Variants in FUT8 observed in about 807,000 individuals in gnomAD.
FUT8 encodes the protein alpha-(1,6)-fucosyltransferase.
In FUT8, 29 loss-of-function variants were observed where a neutral mutation model predicts 71.3. That is an observed-to-expected ratio of 0.41 (90% confidence interval 0.30 to 0.55). The LOEUF (loss-of-function observed/expected upper bound fraction) is 0.55, where lower values mean the gene tolerates loss of function less well. FUT8 is among the 20% of genes least tolerant of loss of function. FUT8 has a pLI of 0.34. For synonymous variants in FUT8, 254 were observed against 239.3 expected (o/e 1.06, Z -0.57); for missense variants, 544 against 702.1 (o/e 0.77, Z 2.55).
intron 7 of FUT8, among the ~76,000 whole-genome samples, chr14:65,720,968 C>T (rs1424123497): frequency 1.3e-5 from 2 of 152,104 alleles, no homozygotes; most frequent in Non-Finnish European, 2.9e-5. Context: ...ACTGTGCTCC[C>T]CCTCCCCCAA....
chr14:65,636,254 T>C (rs566685731), intron 6 of FUT8, among the ~76,000 whole-genome samples: 6 of 152,322 alleles, frequency 3.9e-5, no homozygotes, highest in African/African-American at 9.6e-5. Context: ...ATCTTGCCAA[T>C]GATCTATCAA....
intron 10 of FUT8, among the ~76,000 whole-genome samples, chr14:65,734,755 G>A (rs1896136991): frequency 6.6e-6 from 1 of 152,180 alleles, no homozygotes; most frequent in Non-Finnish European, 1.5e-5. Context: ...GTTACAATGA[G>A]TGAATCAAGA....
At chr14:65,486,767 C>T (rs531672805) in intron 2 of FUT8, among the ~76,000 whole-genome samples, 24 of 152,262 alleles carry the variant, frequency 1.6e-4, no homozygotes, top group African/African-American at 5.8e-4. Context: ...TGAGGATAAG[C>T]ATATTTATCC....
rs561431947 is a variant in FUT8 at position 65,598,228 on chromosome 14, T to A, written c.204-17750T>A. On this transcript the variant is annotated intron_variant, in intron 3 of 10. Transcript: ENST00000673929. ...TTTGGCTGTATTTACTAAAAAAAAA[T>A]TTTTTTTTTCCGAGACGGGAGTCTT... Among the ~76,000 whole-genome samples, 29 of 149,000 alleles carry A rather than the reference T, an allele frequency of 1.9e-4. No individual in the cohort carries two copies. The East Asian group carries it at 2.3e-3, about 12-fold the overall frequency.
intron 1 of FUT8, among the ~76,000 whole-genome samples, chr14:65,441,798 A>AT (rs374962601): frequency 1.0e-3 from 134 of 134,382 alleles, no homozygotes; most frequent in Middle Eastern, 3.9e-3. Context: ...ATTTACTCAG[A>AT]TTTTTTTTTT....
intron 2 of FUT8, among the ~76,000 whole-genome samples, chr14:65,554,904 G>A (rs1248265413): frequency 2.0e-5 from 3 of 152,148 alleles, no homozygotes; most frequent in Admixed American, 6.6e-5. Context: ...TTTCTTTGAA[G>A]ATTGTTGAGT....
At chr14:65,644,864 A>T (rs1242516378) in intron 6 of FUT8, among the ~76,000 whole-genome samples, 1 of 152,192 alleles carries the variant, frequency 6.6e-6, no homozygotes, top group African/African-American at 2.4e-5. Context: ...AACAAAGCTT[A>T]TCTGACATAC....
chr14:65,653,847 A>G (rs1891531405), intron 6 of FUT8, among the ~76,000 whole-genome samples: 1 of 152,208 alleles, frequency 6.6e-6, no homozygotes, highest in Non-Finnish European at 1.5e-5. Context: ...CTTGTGCTGA[A>G]AGGAAAGAAT....
intron 2 of FUT8, among the ~76,000 whole-genome samples, chr14:65,552,359 A>G (rs1266637997): frequency 6.6e-6 from 1 of 152,198 alleles, no homozygotes; most frequent in Non-Finnish European, 1.5e-5. Context: ...TGCCTGGGAT[A>G]TGTAATGTAT....
intron 6 of FUT8, among the ~76,000 whole-genome samples, chr14:65,654,506 G>A (rs1891566771): frequency 6.6e-6 from 1 of 151,870 alleles, no homozygotes; most frequent in African/African-American, 2.4e-5. Flanking sequence ...GAGAAGTGTT[G>A]CTTGAACCTG....
At chr14:65,427,642 G>C (rs1190718348) in intron 1 of FUT8, among the ~76,000 whole-genome samples, 2 of 152,104 alleles carry the variant, frequency 1.3e-5, no homozygotes, top group Non-Finnish European at 2.9e-5. Context: ...TTGCTATTGA[G>C]TTGAGTTCCT....
In FUT8 at chr14:65,609,785, T is replaced by C. The variant is rs952461473; in HGVS notation, c.204-6193T>C. On this transcript the variant is annotated intron_variant, in intron 3 of 10. Coordinates refer to ENST00000673929, the MANE Select transcript of FUT8 (RefSeq NM_001371533.1). ...TACAATAGGTCTTAATATCAGATGG[T>C]GTTTGCCTTTTAGTTTTATCTTTTT... is the stretch of plus-strand genomic sequence containing the variant. Among the ~76,000 whole-genome samples the C allele has an allele frequency of 3.6e-4, 54 of 152,044 alleles. 1 individual carries two copies. The highest frequency in any genetic ancestry group is 5.6e-4 in the Non-Finnish European group (38 of 67,918).
the FUT8 span, among the ~76,000 whole-genome samples, chr14:65,400,202 C>A: frequency 6.6e-6 from 1 of 152,150 alleles, no homozygotes; most frequent in Non-Finnish European, 1.5e-5. Flanking sequence ...TCCAGTCAAC[C>A]ATAAACTATA....
At chr14:65,504,872 G>A (rs1039216081) in intron 2 of FUT8, among the ~76,000 whole-genome samples, 2 of 152,190 alleles carry the variant, frequency 1.3e-5, no homozygotes, top group Non-Finnish European at 2.9e-5. Flanking sequence ...AACCCAGGAG[G>A]CAGAGGTTGC....
chr14:65,496,150 A>G (rs2066555662), intron 2 of FUT8, among the ~76,000 whole-genome samples: 1 of 152,120 alleles, frequency 6.6e-6, no homozygotes, highest in Non-Finnish European at 1.5e-5. Flanking sequence ...AGATGTGGAG[A>G]ACCATAAGAC....
At chr14:65,618,054 T>TGTAG in intron 5 of FUT8, among the ~76,000 whole-genome samples, 1 of 126,130 alleles carries the variant, frequency 7.9e-6, no homozygotes, top group Non-Finnish European at 1.7e-5. Flanking sequence ...TATATATATA[T>TGTAG]GTATGTATAT....
intron 6 of FUT8, among the ~76,000 whole-genome samples, chr14:65,654,288 C>G (rs1356705507): frequency 1.3e-5 from 2 of 152,108 alleles, no homozygotes; most frequent in African/African-American, 2.4e-5. Flanking sequence ...CCTAGATTAA[C>G]TACTAAAAAT....
chr14:65,463,610 C>T (rs1478628302), intron 2 of FUT8, among the ~76,000 whole-genome samples: 1 of 152,128 alleles, frequency 6.6e-6, no homozygotes, highest in Non-Finnish European at 1.5e-5. Flanking sequence ...TAAGGAGTTA[C>T]TCAGAAAGTA....
intron 1 of FUT8, among the ~76,000 whole-genome samples, chr14:65,455,235 A>G (rs569485734): frequency 2.0e-5 from 3 of 152,234 alleles, no homozygotes; most frequent in African/African-American, 7.2e-5. Flanking sequence ...GTGTCATACA[A>G]AATCGAGGGG....
Sources: gnomAD v4.1 joint callset for allele counts (sites outside exome capture counted in the v4.1 genomes callset) on GRCh38, gnomAD v4.1.1 for gene constraint, MANE v1.5 for transcripts, NCBI Gene and HGNC (gene_info 2026-07-23, HGNC 2026-07-21) for gene names.